Variants in UBA52 observed in about 807,000 individuals in gnomAD.
The protein encoded by UBA52 is ubiquitin A-52 residue ribosomal protein fusion product 1, also known as ubiquitin-ribosomal protein eL40 fusion protein.
UBA52 carries 1 observed loss-of-function variant against 15.3 expected under a neutral mutation model. The observed-to-expected ratio is 0.07, with a 90% confidence interval of 0.02 to 0.31. UBA52 has a LOEUF of 0.31. Ranked by LOEUF, UBA52 falls within the 10% of genes least tolerant of loss-of-function variation. The pLI, the probability that UBA52 is intolerant of heterozygous loss-of-function variation, is 1.00. For synonymous variants in UBA52, 50 were observed against 58.3 expected, an observed-to-expected ratio of 0.86 and a Z score of 0.65; for missense variants, 87 against 168.0, an observed-to-expected ratio of 0.52 and a Z score of 2.66.
chr19:18,570,507 C>CCTTTTTTTT (rs1555752290), upstream of UBA52, among the ~76,000 whole-genome samples: 13 of 44,812 alleles, frequency 2.9e-4, 4 homozygotes, highest in South Asian at 6.6e-4. Context: ...CGCCGTGGCA[C>CCTTTTTTTT]TTTTTTTTTT....
chr19:18,571,308 C>T (rs867048693), upstream of UBA52, among the ~76,000 whole-genome samples: 1 of 75,128 alleles, frequency 1.3e-5, no homozygotes, highest in Non-Finnish European at 2.4e-5. Flanking sequence ...GAAACTCCGT[C>T]TCAAAAAAAA....
At chr19:18,572,892 A>T in intron 1 of UBA52, 3 of 1,084,732 alleles carry the variant, frequency 2.8e-6, no homozygotes, top group Non-Finnish European at 2.3e-6. Flanking sequence ...GCAGATCAGG[A>T]CCTGGCTGCC....
At chr19:18,566,105 A>G in the UBA52 span, among the ~76,000 whole-genome samples, 2 of 151,668 alleles carry the variant, frequency 1.3e-5, no homozygotes, top group Non-Finnish European at 2.9e-5. Flanking sequence ...TGCTGGGATT[A>G]TAGGCATGAG....
At chr19:18,567,509 G>A (rs961285464), upstream of UBA52, among the ~76,000 whole-genome samples, 25 of 152,172 alleles carry the variant, frequency 1.6e-4, no homozygotes, top group African/African-American at 5.3e-4. Flanking sequence ...ACATCGTCTC[G>A]CCTTCCCTGA....
chr19:18,576,975 A>ATTTTTTTTTT lies in UBA52; in HGVS notation c.*1839_*1848dup, dbSNP rs773902580. ...AAGCCACAGCGCCTGGCCTTGCTAC[A>ATTTTTTTTTT]TTTTTTTTTTTTTTTTTTTTTTTAC... On this transcript the variant is annotated 3_prime_UTR_variant, in exon 5 of 5. Transcript: ENST00000442744. The ATTTTTTTTTT allele has an allele frequency of 1.8e-5, 2 of 113,058 alleles. No homozygotes were observed. The highest frequency in any genetic ancestry group is 1.8e-5 in the Non-Finnish European group (1 of 56,916). The allele number at this position is 113,058 out of a possible 1,614,324, so 7.0% of individuals were successfully genotyped here.
chr19:18,570,507 C>CCTTTTTTTTT (rs1555752290), upstream of UBA52, among the ~76,000 whole-genome samples: 3 of 44,786 alleles, frequency 6.7e-5, 1 homozygote, highest in Non-Finnish European at 1.5e-4. Context: ...CGCCGTGGCA[C>CCTTTTTTTTT]TTTTTTTTTT....
In UBA52 at chr19:18,572,840, G is replaced by C. The variant is rs1049498866; in HGVS notation, c.-8-453G>C. On this transcript the variant is annotated intron_variant, in intron 1 of 4. Transcript: ENST00000442744. ...GCGACAGGAAGGCATGTGTGTTGTA[G>C]GGGATGGCTTCCCATCCAGGCTGGC... 2.9e-6 allele frequency: 3 copies of C among 1,028,838 alleles called. No individual in the cohort carries two copies. The African/African-American group carries it at 5.1e-5, about 17-fold the overall frequency. The allele number at this position is 1,028,838 out of a possible 1,614,324, so 63.7% of individuals were successfully genotyped here. A position where few individuals can be genotyped will look rare whatever the true frequency, so the allele number is the denominator to read the frequency against.
In UBA52 at chr19:18,576,998, T is replaced by C. The variant is rs912051930; in HGVS notation, c.*1848T>C. 2.7e-5 allele frequency: 4 copies of C among 148,884 alleles called. No individual in the cohort carries two copies. Among genetic ancestry groups the C allele is most frequent in the African/African-American group, 1.0e-4 (4 of 39,624 alleles). 9.2% of individuals were successfully genotyped at this position (148,884 alleles called of 1,614,324 possible). On this transcript the variant is annotated 3_prime_UTR_variant, in exon 5 of 5. Coordinates refer to ENST00000442744, the MANE Select transcript of UBA52 (RefSeq NM_001033930.3). ...ACATTTTTTTTTTTTTTTTTTTTTTTACAGACATGGTCTCGCTATGTTGCC... is the reference window on the plus strand; with the variant it reads ...ACATTTTTTTTTTTTTTTTTTTTTTCACAGACATGGTCTCGCTATGTTGCC...
chr19:18,566,258 G>A, the UBA52 span, among the ~76,000 whole-genome samples: 2 of 151,832 alleles, frequency 1.3e-5, no homozygotes, highest in East Asian at 2.0e-4. Context: ...AGACCATCCC[G>A]GCTAACATGG....
the UBA52 span, among the ~76,000 whole-genome samples, chr19:18,565,897 A>G: frequency 1.3e-5 from 2 of 152,172 alleles, no homozygotes; most frequent in Admixed American, 6.5e-5. Flanking sequence ...CGTGTTGCCC[A>G]GGCTAGTCTC....
chr19:18,567,037 C>T (rs985836766), upstream of UBA52: 8 of 1,137,604 alleles, frequency 7.0e-6, no homozygotes, highest in African/African-American at 1.2e-4. Flanking sequence ...CCCGTCTCCC[C>T]TTGCCCTCAG....
rs1975580518 is a variant in UBA52, at chr19:18,572,993, C to T, written c.-8-300C>T. ...TTCCATCAGGAGATACTGACGAGTC[C>T]TTCCGCCGCTAAACCTAAGGAGAAT... On this transcript the variant is annotated intron_variant, in intron 1 of 4. Coordinates refer to ENST00000442744, the MANE Select transcript of UBA52 (RefSeq NM_001033930.3). 2.5e-6 allele frequency: 3 copies of T among 1,217,400 alleles called. No homozygotes were observed. The South Asian group carries it at 5.3e-5, about 22-fold the overall frequency. The allele number at this position is 1,217,400 out of a possible 1,614,324, so 75.4% of individuals were successfully genotyped here. A position where few individuals can be genotyped will look rare whatever the true frequency, so the allele number is the denominator to read the frequency against.
chr19:18,566,944 C>T (rs979260918), upstream of UBA52, among the ~76,000 whole-genome samples: 1 of 152,108 alleles, frequency 6.6e-6, no homozygotes, highest in Non-Finnish European at 1.5e-5. Flanking sequence ...GGCTGGTGGG[C>T]GACTGTCAGG....
At chr19:18,568,982 G>A (rs1025729670), upstream of UBA52, 6 of 296,240 alleles carry the variant, frequency 2.0e-5, no homozygotes, top group African/African-American at 1.3e-4. Context: ...AGAGCCAGAT[G>A]TCCCCCACCA....
At chr19:18,565,375 G>A in the UBA52 span, among the ~76,000 whole-genome samples, 1 of 151,806 alleles carries the variant, frequency 6.6e-6, no homozygotes, top group Admixed American at 6.6e-5. Flanking sequence ...GATTACAGGT[G>A]CCTACCACCA....
In UBA52 at chr19:18,575,124, C is replaced by G. The variant is rs758662293; in HGVS notation, c.361C>G (p.Leu121Val). The change falls in exon 5 of 5, where the codon CTG (leucine) becomes GTG (valine). Residue 121 changes from leucine (L) to valine (V), a missense_variant. By Grantham distance (32) the Leu-to-Val change is conservative (BLOSUM62 1). Transcript: ENST00000442744. The stretch of plus-strand genomic sequence containing the variant: ...GAAGAAGTGTGGTCACACCAACAAC[C>G]TGCGTCCCAAGAAGAAGGTCAAATA... ...RKKKCGHTNNLRPKKKVK is the reference protein window; with the variant it reads ...RKKKCGHTNNVRPKKKVK 1 of 1,614,078 alleles carries G rather than the reference C, an allele frequency of 6.2e-7. No individual in the cohort carries two copies. Among genetic ancestry groups the G allele is most frequent in the Non-Finnish European group, 8.5e-7 (1 of 1,180,042 alleles).
chr19:18,564,978 G>A, the UBA52 span: 7 of 1,611,068 alleles, frequency 4.3e-6, no homozygotes, highest in Admixed American at 1.7e-5. Flanking sequence ...GAGGACCCTA[G>A]TAGAGATGAA....
upstream of UBA52, chr19:18,567,293 G>T: frequency 1.8e-6 from 2 of 1,101,990 alleles, no homozygotes; most frequent in Non-Finnish European, 2.7e-6. Flanking sequence ...ATGGGCAGTG[G>T]GTCTGGGGAA....
the UBA52 span, chr19:18,565,113 G>A: frequency 6.5e-7 from 1 of 1,543,386 alleles, no homozygotes; most frequent in African/African-American, 1.4e-5. Context: ...GGTAAAGGGA[G>A]ATTTCTGTTT....
Sources: allele counts gnomAD v4.1 joint callset (sites outside exome capture counted in the v4.1 genomes callset), GRCh38; gene constraint gnomAD v4.1.1; transcripts MANE v1.5; gene names NCBI Gene and HGNC (gene_info 2026-07-23, HGNC 2026-07-21).